Variants in ABHD18 observed in about 807,000 individuals in gnomAD.
ABHD18 encodes the protein cardiolipin-specific deacylase, mitochondrial.
Under a neutral mutation model 65.9 loss-of-function variants are expected in ABHD18, and 55 were observed. The ratio of observed to expected loss-of-function variants is 0.84; its 90% CI spans 0.67 to 1.05. The LOEUF (loss-of-function observed/expected upper bound fraction) is 1.05, where lower values mean the gene tolerates loss of function less well. Among genes scored for constraint, ABHD18 ranks in the 50% least tolerant of loss-of-function variants. The pLI is 0.00. For missense variants in ABHD18, 533 were observed against 558.5 expected (o/e 0.95, Z 0.46); for synonymous variants, 181 against 180.2 (o/e 1.00, Z -0.04).
chr4:127,981,827 T>TA (rs1431990324), intron 1 of ABHD18, among the ~76,000 whole-genome samples: 10 of 152,252 alleles, frequency 6.6e-5, no homozygotes, highest in Middle Eastern at 6.8e-3. Flanking sequence ...TGGGTGCTAT[T>TA]AAAAAAACAC....
intron 1 of ABHD18, among the ~76,000 whole-genome samples, chr4:127,967,726 A>G (rs1343736180): frequency 6.6e-6 from 1 of 151,920 alleles, no homozygotes; most frequent in Admixed American, 6.6e-5. Context: ...AAAAAAGAAA[A>G]TGTCTCTTAG....
chr4:128,008,074 C>G (rs1753918717), intron 4 of ABHD18, among the ~76,000 whole-genome samples: 2 of 151,770 alleles, frequency 1.3e-5, no homozygotes, highest in Admixed American at 1.3e-4. Flanking sequence ...CCAGTCTGGT[C>G]AACGTGGTGA....
intron 10 of ABHD18, among the ~76,000 whole-genome samples, chr4:128,021,467 TA>T (rs1050712474): frequency 3.3e-5 from 5 of 151,990 alleles, no homozygotes; most frequent in African/African-American, 1.2e-4. Context: ...AGTTTGAGAC[TA>T]GCCTGGCCAA....
At chr4:128,035,710 G>A in intron 12 of ABHD18, 52 bp from the exon 13 acceptor site, 1 of 1,063,580 alleles carries the variant, frequency 9.4e-7, no homozygotes, top group South Asian at 1.5e-5. Context: ...GGCATTGTTT[G>A]TCCCCCCTTT....
chr4:127,989,744 G>T lies in ABHD18; in HGVS notation c.201G>T (p.Lys67Asn). The T allele has an allele frequency of 6.3e-7, 1 of 1,593,976 alleles. No individual in the cohort carries two copies. The highest frequency in any genetic ancestry group is 8.5e-7 in the Non-Finnish European group (1 of 1,170,192). The change falls in exon 4 of 13, where the codon AAG becomes AAT. Residue 67 changes from lysine (K) to asparagine (N), a missense_variant. Around this residue, in one of 3 missense-constraint regions of ABHD18, gnomAD observed 309 missense variants for 313.5 expected, o/e 0.99. Coordinates refer to ENST00000645843, the MANE Select transcript of ABHD18 (RefSeq NM_001358451.3). ...IDKIEEQSDC[K>N]ILDGHFVSPM... ...AGATTGAAGAGCAATCAGATTGTAA[G>T]ATCTTAGATGGACACTTTGTTTCCC...
intron 7 of ABHD18, among the ~76,000 whole-genome samples, chr4:128,016,728 TC>T (rs5861842): frequency 1 from 152,339 of 152,340 alleles, 76,169 homozygotes; most frequent in Middle Eastern, 1. Context: ...TGAGCCAAGA[TC>T]CATGCCACTG....
rs775677610 is a variant in ABHD18 at position 128,028,744 on chromosome 4, G to A, written c.1071G>A (p.Gln357=). The A allele has an allele frequency of 2.5e-5, 40 of 1,613,752 alleles. No individual in the cohort carries two copies. The Admixed American group carries it at 5.3e-4, about 22-fold the overall frequency. Residue 357 remains glutamine, a synonymous_variant, in exon 11 of 13, where the codon CAG becomes CAA. Transcript: ENST00000645843. Reference sequence around the variant, plus strand: ...GTGGTTATACAAGTCGCAACCCTCAGTCATACCACCTACTTAGTAAAGAAC... The same window carrying A: ...GTGGTTATACAAGTCGCAACCCTCAATCATACCACCTACTTAGTAAAGAAC... ...NKSGYTSRNP[Q]SYHLLSKEQS...
At chr4:127,994,344 C>T (rs1027740477) in intron 4 of ABHD18, among the ~76,000 whole-genome samples, 9 of 152,112 alleles carry the variant, frequency 5.9e-5, no homozygotes, top group African/African-American at 2.2e-4. Context: ...CCTGTAATCC[C>T]AGCGCTTTGG....
intron 6 of ABHD18, chr4:128,009,780 C>T (rs1754226351): frequency 6.6e-6 from 1 of 152,326 alleles, no homozygotes; most frequent in Non-Finnish European, 1.5e-5. Context: ...AGCTTTGAAA[C>T]ATCATATCCC....
intron 4 of ABHD18, among the ~76,000 whole-genome samples, chr4:128,000,438 G>A (rs1752474814): frequency 6.6e-6 from 1 of 152,160 alleles, no homozygotes; most frequent in Admixed American, 6.5e-5. Context: ...GGTTATAGGT[G>A]TGTGGCTTTA....
At position 128,017,448 on chromosome 4, in the gene ABHD18, G is replaced by A; in HGVS notation, c.556G>A (p.Glu186Lys). 6.2e-7 allele frequency: 1 copy of A among 1,613,724 alleles called. No homozygotes were observed. Among genetic ancestry groups the A allele is most frequent in the Non-Finnish European group, 8.5e-7 (1 of 1,179,782 alleles). The change falls in exon 8 of 13, where the codon GAG becomes AAG. Residue 186 changes from glutamate (E) to lysine (K), a missense_variant. This residue lies in a region of ABHD18 where 309 missense variants were observed against 313.5 expected (regional missense o/e 0.99). Transcript: ENST00000645843. Reference protein sequence around the residue: ...LESAALLHWLEREGYGPLGMT... With the variant: ...LESAALLHWLKREGYGPLGMT... The stretch of plus-strand genomic sequence containing the variant: ...ATCTGCAGCTCTCTTGCACTGGCTA[G>A]AGAGGGAAGGTTACGGCCCTTTAGG...
intron 1 of ABHD18, among the ~76,000 whole-genome samples, chr4:127,969,422 C>T (rs1278207739): frequency 1.3e-5 from 2 of 151,982 alleles, no homozygotes; most frequent in African/African-American, 4.8e-5. Context: ...TGGTCTCCAA[C>T]TCCCAAACTC....
rs192251023 is a variant in ABHD18 at position 128,026,809 on chromosome 4, G to A, written c.802-1666G>A. ...TTTTTCTTTTTTTTTTTTTTGAGAC[G>A]GAGTCTTGCTCTGTCGCCCAGGCTG... On this transcript the variant is annotated intron_variant, in intron 10 of 12. Transcript: ENST00000645843. Among the ~76,000 whole-genome samples, 505 of 146,318 alleles carry A rather than the reference G, an allele frequency of 3.5e-3. 2 individuals are homozygous for A. The highest frequency in any genetic ancestry group is 0.012 in the African/African-American group (478 of 39,722).
At position 128,007,358 on chromosome 4, in the gene ABHD18, G is replaced by A. The variant is rs553886115; in HGVS notation, c.279-1562G>A. Reference sequence around the variant, plus strand: ...AAAAAAAAAAAAAAAAGGTTAAAATGTATATTCCACCAGAGTAAAACAAAG... The same window carrying A: ...AAAAAAAAAAAAAAAAGGTTAAAATATATATTCCACCAGAGTAAAACAAAG... On this transcript the variant is annotated intron_variant, in intron 4 of 12. Coordinates refer to ENST00000645843, the MANE Select transcript of ABHD18 (RefSeq NM_001358451.3). Among the ~76,000 whole-genome samples, 38 of 142,044 alleles carry A rather than the reference G, an allele frequency of 2.7e-4. No individual in the cohort carries two copies. In the East Asian group the frequency reaches 3.5e-3, roughly 13 times the overall value. The allele number at this position is 142,044 out of a possible 152,430, so 93.2% of individuals were successfully genotyped here.
At chr4:128,029,594 C>G (rs141663388) in intron 11 of ABHD18, among the ~76,000 whole-genome samples, 1 of 152,102 alleles carries the variant, frequency 6.6e-6, no homozygotes, top group African/African-American at 2.4e-5. Flanking sequence ...GAGGCCAAGG[C>G]GGGTGGATCA....
intron 11 of ABHD18, 84 bp from the exon 12 acceptor site, chr4:128,030,426 G>C (rs1026651650): frequency 1.7e-5 from 16 of 938,760 alleles, no homozygotes; most frequent in Admixed American, 3.6e-5. Context: ...TGTTTAGTTT[G>C]ACGAATGTTT....
intron 7 of ABHD18, among the ~76,000 whole-genome samples, chr4:128,016,110 C>T (rs1364791792): frequency 6.6e-5 from 10 of 151,818 alleles, no homozygotes; most frequent in South Asian, 2.1e-4. Flanking sequence ...CGTGCCACCA[C>T]GCCCAGCTAA....
intron 10 of ABHD18, among the ~76,000 whole-genome samples, chr4:128,022,885 C>G (rs2149172563): frequency 6.6e-6 from 1 of 152,064 alleles, no homozygotes; most frequent in South Asian, 2.1e-4. Flanking sequence ...ATTCTCCTGC[C>G]TCAGCCTCCT....
rs369178117 is a variant in ABHD18 at position 127,994,502 on chromosome 4, G to T, written c.278+4681G>T. Among the ~76,000 whole-genome samples, 19 of 152,138 alleles carry T rather than the reference G, an allele frequency of 1.2e-4. 1 individual carries two copies. In the South Asian group the frequency reaches 3.9e-3, roughly 32 times the overall value. On this transcript the variant is annotated intron_variant, in intron 4 of 12. Transcript: ENST00000645843. ...CTCAGGAGGCTGAGGCAGGAGAATC[G>T]CTTGAACCTGGAAGGCGAAGGTTGC...
Sources: gnomAD v4.1 joint callset for allele counts (sites outside exome capture counted in the v4.1 genomes callset) on GRCh38, gnomAD v4.1.1 for gene constraint, gnomAD v4.1.1 regional missense constraint, MANE v1.5 for transcripts, NCBI Gene and HGNC (gene_info 2026-07-23, HGNC 2026-07-21) for gene names.